The following PPP6R3 variants were observed in gnomAD, a reference collection of about 807,000 sequenced individuals.
PPP6R3 encodes the protein protein phosphatase 6 regulatory subunit 3.
A neutral mutation model predicts 110.7 loss-of-function variants in PPP6R3; 38 were observed. The observed-to-expected ratio is 0.34, with a 90% CI of 0.26 to 0.45. The LOEUF (loss-of-function observed/expected upper bound fraction) is 0.45, where lower values mean the gene tolerates loss of function less well. Ranked by LOEUF, PPP6R3 falls within the 20% of genes least tolerant of loss-of-function variation. The pLI is 1.00. For missense variants in PPP6R3, 870 were observed against 1,062.4 expected (o/e 0.82, Z 2.52); for synonymous variants, 369 against 373.5 (o/e 0.99, Z 0.14).
intron 1 of PPP6R3, among the ~76,000 whole-genome samples, chr11:68,478,647 G>GTTGTTTTTTT (rs2098860140): frequency 2.0e-5 from 1 of 50,506 alleles, no homozygotes; most frequent in Non-Finnish European, 3.1e-5. Flanking sequence ...CACTTGGTAA[G>GTTGTTTTTTT]TTTTTTTTTT....
intron 10 of PPP6R3, 64 bp downstream of exon 10, chr11:68,567,230 A>C: frequency 7.1e-7 from 1 of 1,415,930 alleles, no homozygotes. Flanking sequence ...TATTTAACCA[A>C]GTTACAACCT....
In PPP6R3 at chr11:68,477,744, AT is replaced by A. The variant is rs1565285384; in HGVS notation, c.-158+16918del. 4.0e-3 allele frequency among the ~76,000 whole-genome samples: 198 copies of A among 48,928 alleles called. 1 individual carries two copies. Among genetic ancestry groups the A allele is most frequent in the Middle Eastern group, 0.013 (1 of 78 alleles). 32.1% of individuals were successfully genotyped at this position (48,928 alleles called of 152,430 possible). A position where few individuals can be genotyped will look rare whatever the true frequency, so the allele number is the denominator to read the frequency against. On this transcript the variant is annotated intron_variant, in intron 1 of 23. Coordinates refer to ENST00000393800, the MANE Select transcript of PPP6R3 (RefSeq NM_001164161.2). ...ATTGTCTCTTAAAAAAAAAAAAAAT[AT>A]ATATATATATATATATATATATATA...
rs183430608 is a variant in PPP6R3 at position 68,613,029 on chromosome 11, C to T, written c.2571-37C>T. On this transcript the variant is annotated intron_variant, in intron 23 of 23. Coordinates refer to ENST00000393800, the MANE Select transcript of PPP6R3 (RefSeq NM_001164161.2). The stretch of plus-strand genomic sequence containing the variant: ...GTAGGTTTTGTTTTTCATATTTCTG[C>T]TGCAAGTGCCTCCGATGCCTGTCTG... 1.9e-5 allele frequency: 31 copies of T among 1,614,062 alleles called. No individual in the cohort carries two copies. The Middle Eastern group carries it at 5.0e-4, about 26-fold the overall frequency.
chr11:68,603,590 A>C lies in PPP6R3; in HGVS notation c.2450+98A>C, dbSNP rs760103131. 4 of 1,391,396 alleles carry C rather than the reference A, an allele frequency of 2.9e-6. No homozygotes were observed. The Admixed American group carries it at 7.6e-5, about 27-fold the overall frequency. 86.2% of individuals were successfully genotyped at this position (1,391,396 alleles called of 1,614,324 possible). The stretch of plus-strand genomic sequence containing the variant: ...AAAATTTTTAATTTGATTCAAATGA[A>C]TGTTCAGATACTAGCTTGATGTCTT... On this transcript the variant is annotated intron_variant, in intron 22 of 23. Transcript: ENST00000393800.
At chr11:68,474,901 C>A (rs529416596) in intron 1 of PPP6R3, among the ~76,000 whole-genome samples, 5 of 151,778 alleles carry the variant, frequency 3.3e-5, no homozygotes, top group African/African-American at 9.7e-5. Context: ...TATTTAACTT[C>A]CTTTTTTTTA....
At chr11:68,462,715 A>G (rs1175626283) in intron 1 of PPP6R3, among the ~76,000 whole-genome samples, 1 of 152,216 alleles carries the variant, frequency 6.6e-6, no homozygotes, top group African/African-American at 2.4e-5. Context: ...GCACTCAGTC[A>G]GAAATAAACT....
At chr11:68,489,684 A>G (rs184564166) in intron 1 of PPP6R3, among the ~76,000 whole-genome samples, 2 of 152,076 alleles carry the variant, frequency 1.3e-5, no homozygotes, top group Admixed American at 6.6e-5. Context: ...TTTTATTGGT[A>G]AAATACTTAT....
At chr11:68,468,775 A>G (rs543722063) in intron 1 of PPP6R3, among the ~76,000 whole-genome samples, 30 of 152,242 alleles carry the variant, frequency 2.0e-4, no homozygotes, top group Admixed American at 1.9e-3. Context: ...TGAATATAAC[A>G]TTAGAACATA....
At position 68,613,463 on chromosome 11, in the gene PPP6R3, T is replaced by G. The variant is rs1000567659; in HGVS notation, c.*346T>G. 1.8e-4 allele frequency: 177 copies of G among 1,009,936 alleles called. No homozygotes were observed. The highest frequency in any genetic ancestry group is 2.0e-4 in the Non-Finnish European group (169 of 846,122). The allele number at this position is 1,009,936 out of a possible 1,614,324, so 62.6% of individuals were successfully genotyped here. A position where few individuals can be genotyped will look rare whatever the true frequency, so the allele number is the denominator to read the frequency against. On this transcript the variant is annotated 3_prime_UTR_variant, in exon 24 of 24. Coordinates refer to ENST00000393800, the MANE Select transcript of PPP6R3 (RefSeq NM_001164161.2). The stretch of plus-strand genomic sequence containing the variant: ...AGTTTTATAAAAGTGAATACACAGA[T>G]CTATTGTATTTGAAACATAACTTTG...
chr11:68,524,311 G>C (rs1025068161), intron 2 of PPP6R3, among the ~76,000 whole-genome samples: 1 of 152,116 alleles, frequency 6.6e-6, no homozygotes, highest in African/African-American at 2.4e-5. Context: ...ATATTCAAAG[G>C]TAGTTACTTT....
chr11:68,475,962 G>C (rs182366314), intron 1 of PPP6R3, among the ~76,000 whole-genome samples: 7,988 of 148,436 alleles, frequency 0.054, 222 homozygotes, highest in Middle Eastern at 0.13. Flanking sequence ...GGGAAGAGGC[G>C]CTCCTCACTT....
intron 7 of PPP6R3, among the ~76,000 whole-genome samples, chr11:68,555,740 G>C (rs2099396860): frequency 6.6e-6 from 1 of 152,190 alleles, no homozygotes. Flanking sequence ...GATGAAGATA[G>C]GTAAATGCCT....
intron 18 of PPP6R3, among the ~76,000 whole-genome samples, chr11:68,592,471 C>T (rs1045665953): frequency 2.0e-5 from 3 of 152,154 alleles, no homozygotes; most frequent in Admixed American, 6.5e-5. Context: ...GTCCTCTTGC[C>T]GGGGAGTCCC....
At chr11:68,478,348 A>G (rs1425536730) in intron 1 of PPP6R3, among the ~76,000 whole-genome samples, 8 of 152,348 alleles carry the variant, frequency 5.3e-5, no homozygotes, top group Non-Finnish European at 8.8e-5. Context: ...AAGCAAGTTA[A>G]GAATTTTAAA....
chr11:68,545,080 T>C, intron 4 of PPP6R3, 56 bp downstream of exon 4: 1 of 1,379,780 alleles, frequency 7.2e-7, no homozygotes, highest in Non-Finnish European at 1.0e-6. Context: ...CTTGAGGTGA[T>C]CCCCCAGTAC....
chr11:68,548,952 G>A (rs1002782202), intron 5 of PPP6R3, among the ~76,000 whole-genome samples: 23 of 152,060 alleles, frequency 1.5e-4, no homozygotes, highest in Non-Finnish European at 3.1e-4. Flanking sequence ...GTGCAGTGGC[G>A]TGATCTCGGC....
At chr11:68,521,064 G>A (rs867337784) in intron 2 of PPP6R3, among the ~76,000 whole-genome samples, 25 of 152,250 alleles carry the variant, frequency 1.6e-4, no homozygotes, top group African/African-American at 5.8e-4. Context: ...GAGCCACCGC[G>A]TCCGGCCTCA....
intron 14 of PPP6R3, among the ~76,000 whole-genome samples, chr11:68,581,525 C>T (rs114802909): frequency 5.9e-4 from 90 of 152,360 alleles, no homozygotes; most frequent in African/African-American, 2.1e-3. Context: ...GGGGTTACAC[C>T]CCTAAAACAC....
Position 68,614,775 on chromosome 11 carries a change from T to C in PPP6R3, c.*1658T>C, listed in dbSNP as rs752241096. 6.5e-7 allele frequency: 1 copy of C among 1,540,796 alleles called. No individual in the cohort carries two copies. Among genetic ancestry groups the C allele is most frequent in the South Asian group, 1.2e-5 (1 of 83,592 alleles). On this transcript the variant is annotated 3_prime_UTR_variant, in exon 24 of 24. Transcript: ENST00000393800. ...AGCCCCTCTCTGAAGAGACTGTCCT[T>C]GGGCCTCCTCTGGAAGCAGCACCCC... is the stretch of plus-strand genomic sequence containing the variant.
Sources: gnomAD v4.1 joint callset for allele counts (sites outside exome capture counted in the v4.1 genomes callset) on GRCh38, gnomAD v4.1.1 for gene constraint, MANE v1.5 for transcripts, NCBI Gene and HGNC (gene_info 2026-07-23, HGNC 2026-07-21) for gene names.